The following PRKAG2 variants were observed in gnomAD, a reference collection of about 807,000 sequenced individuals.
PRKAG2 encodes the protein 5'-AMP-activated protein kinase subunit gamma-2.
A neutral mutation model predicts 69.6 loss-of-function variants in PRKAG2; 26 were observed. That is an observed-to-expected ratio of 0.37 (90% CI 0.27 to 0.52). The LOEUF is 0.52. Among genes scored for constraint, PRKAG2 ranks in the 20% least tolerant of loss-of-function variants. The pLI, the probability that PRKAG2 is intolerant of heterozygous loss-of-function variation, is 0.90. For missense variants in PRKAG2, 557 were observed against 740.0 expected, an observed-to-expected ratio of 0.75 and a Z score of 2.87; for synonymous variants, 293 against 285.0, an observed-to-expected ratio of 1.03 and a Z score of -0.28.
intron 4 of PRKAG2, among the ~76,000 whole-genome samples, chr7:151,644,676 C>G (rs73728217): frequency 3.5e-4 from 54 of 152,270 alleles, no homozygotes; most frequent in African/African-American, 1.3e-3. Flanking sequence ...TAGGAACATG[C>G]TTTCATTTCT....
chr7:151,658,964 T>G (rs559376262), intron 4 of PRKAG2, among the ~76,000 whole-genome samples: 1 of 152,328 alleles, frequency 6.6e-6, no homozygotes, highest in East Asian at 1.9e-4. Flanking sequence ...TGCAATATAA[T>G]GGATGGGTAC....
At chr7:151,593,972 C>G (rs1464770652) in intron 6 of PRKAG2, among the ~76,000 whole-genome samples, 3 of 152,166 alleles carry the variant, frequency 2.0e-5, no homozygotes, top group Non-Finnish European at 2.9e-5. Flanking sequence ...GCTCCAAGAG[C>G]CCGGGGAGCC....
intron 4 of PRKAG2, among the ~76,000 whole-genome samples, chr7:151,663,334 G>A (rs1402003518): frequency 6.6e-6 from 1 of 152,112 alleles, no homozygotes; most frequent in East Asian, 1.9e-4. Context: ...TAATCTTCAA[G>A]TCCTAACTCT....
intron 3 of PRKAG2, among the ~76,000 whole-genome samples, chr7:151,758,842 C>T (rs984573810): frequency 1.3e-5 from 2 of 152,180 alleles, no homozygotes; most frequent in African/African-American, 4.8e-5. Context: ...TGGCAGATTG[C>T]TCAAGGCAAA....
At chr7:151,832,229 AAGGAGAGG>A (rs1445482385) in intron 1 of PRKAG2, among the ~76,000 whole-genome samples, 6 of 46,084 alleles carry the variant, frequency 1.3e-4, no homozygotes, top group Admixed American at 2.4e-4. Flanking sequence ...GGGAGGAGGG[AAGGAGAGG>A]AGGAGGGAAG....
At chr7:151,752,861 A>C (rs137897139) in intron 3 of PRKAG2, among the ~76,000 whole-genome samples, 1 of 152,368 alleles carries the variant, frequency 6.6e-6, no homozygotes, top group Non-Finnish European at 1.5e-5. Flanking sequence ...TGAAGCCCTG[A>C]CTGGTGACAA....
intron 6 of PRKAG2, among the ~76,000 whole-genome samples, chr7:151,581,067 T>C (rs1386829250): frequency 6.6e-6 from 1 of 152,094 alleles, no homozygotes; most frequent in Non-Finnish European, 1.5e-5. Flanking sequence ...CCTATAAGTA[T>C]ATACACATAC....
chr7:151,715,304 C>CCG, intron 3 of PRKAG2, among the ~76,000 whole-genome samples: 2 of 124,142 alleles, frequency 1.6e-5, no homozygotes, highest in East Asian at 2.3e-4. Flanking sequence ...GCATGAGCCA[C>CCG]TGCACCTGGC....
intron 3 of PRKAG2, among the ~76,000 whole-genome samples, chr7:151,700,360 G>A (rs908690911): frequency 2.6e-5 from 4 of 152,106 alleles, no homozygotes; most frequent in African/African-American, 7.2e-5. Context: ...TGTTAGACAC[G>A]CAGACCTCCA....
chr7:151,576,217 G>T, intron 7 of PRKAG2, 154 bp downstream of exon 7: 3 of 772,138 alleles, frequency 3.9e-6, no homozygotes, highest in East Asian at 2.8e-5. Flanking sequence ...CTGAGATTAC[G>T]GGCATGGGCC....
intron 5 of PRKAG2, among the ~76,000 whole-genome samples, chr7:151,608,087 G>T (rs866079486): frequency 6.6e-6 from 1 of 152,094 alleles, no homozygotes; most frequent in African/African-American, 2.4e-5. Flanking sequence ...GTGGAGGCTG[G>T]GGCGACGCAG....
intron 6 of PRKAG2, among the ~76,000 whole-genome samples, chr7:151,578,125 A>AC (rs1187582262): frequency 1.3e-5 from 2 of 151,908 alleles, no homozygotes; most frequent in Non-Finnish European, 2.9e-5. Flanking sequence ...TGGGCAGATC[A>AC]CCTGAGGCCA....
chr7:151,668,823 TAAAC>T (rs1025602526), intron 4 of PRKAG2, among the ~76,000 whole-genome samples: 9 of 152,304 alleles, frequency 5.9e-5, no homozygotes, highest in African/African-American at 2.2e-4. Flanking sequence ...ACTCCCTTAA[TAAAC>T]AAACAAACTT....
chr7:151,562,813 A>C (rs1805364428), intron 14 of PRKAG2, among the ~76,000 whole-genome samples: 1 of 89,696 alleles, frequency 1.1e-5, no homozygotes. Context: ...TAAAAATACA[A>C]AAAATTAGGC....
intron 3 of PRKAG2, among the ~76,000 whole-genome samples, chr7:151,754,288 A>T (rs1006056306): frequency 6.6e-6 from 1 of 152,368 alleles, no homozygotes; most frequent in East Asian, 1.9e-4. Flanking sequence ...CCCAGGGACC[A>T]CACGGGATGC....
At chr7:151,809,422 C>T in intron 1 of PRKAG2, 1 of 358,730 alleles carries the variant, frequency 2.8e-6, no homozygotes, top group East Asian at 7.8e-5. Flanking sequence ...GGGACTCCGG[C>T]AGGCGCTCGC....
intron 1 of PRKAG2, among the ~76,000 whole-genome samples, chr7:151,812,496 G>A (rs1482362951): frequency 6.6e-6 from 1 of 152,208 alleles, no homozygotes; most frequent in Non-Finnish European, 1.5e-5. Context: ...CAGTTCCAGG[G>A]ACCCCTGGTT....
intron 3 of PRKAG2, among the ~76,000 whole-genome samples, chr7:151,774,116 A>C (rs1453338374): frequency 2.0e-5 from 3 of 152,210 alleles, no homozygotes; most frequent in African/African-American, 7.2e-5. Context: ...GACTCTGATC[A>C]TCAAAGGGAA....
intron 5 of PRKAG2, among the ~76,000 whole-genome samples, chr7:151,608,884 CTCTT>C (rs199768997): frequency 0.013 from 1,890 of 144,656 alleles, 15 homozygotes; most frequent in Non-Finnish European, 0.02. Context: ...TGATTTTTTT[CTCTT>C]TCTTTCTTTC....
Sources: allele counts gnomAD v4.1 joint callset (sites outside exome capture counted in the v4.1 genomes callset), GRCh38; gene constraint gnomAD v4.1.1; transcripts MANE v1.5; gene names NCBI Gene and HGNC (gene_info 2026-07-23, HGNC 2026-07-21).